The following SPIRE1 variants were observed in gnomAD, a reference collection of about 807,000 sequenced individuals.
The protein encoded by SPIRE1 is protein spire homolog 1.
A neutral mutation model predicts 94.1 loss-of-function variants in SPIRE1; 40 were observed. The observed-to-expected ratio is 0.43, with a 90% CI of 0.33 to 0.55. The LOEUF is 0.55. Ranked by LOEUF, SPIRE1 falls within the 20% of genes least tolerant of loss-of-function variation. The probability of loss-of-function intolerance (pLI) is 0.06; values close to 1 mark genes in which losing one functional copy is unlikely to be tolerated. For missense variants in SPIRE1, 838 were observed against 975.2 expected, an observed-to-expected ratio of 0.86 and a Z score of 1.87; for synonymous variants, 376 against 371.7, an observed-to-expected ratio of 1.01 and a Z score of -0.13.
At position 12,498,646 on chromosome 18, in the gene SPIRE1, C is replaced by A. The variant is rs190876460; in HGVS notation, c.973-2544G>T. 2.6e-5 allele frequency among the ~76,000 whole-genome samples: 4 copies of A among 152,006 alleles called. 1 individual carries two copies. Among genetic ancestry groups the A allele is most frequent in the Admixed American group, 6.5e-5 (1 of 15,276 alleles). On this transcript the variant is annotated intron_variant, in intron 6 of 16. Transcript: ENST00000409402. Reference sequence around the variant, plus strand: ...TTTCTGAAATAATTTTCTTTTTTTGCGACACGGGCTTGTTCTATGACCCAG... The same window carrying A: ...TTTCTGAAATAATTTTCTTTTTTTGAGACACGGGCTTGTTCTATGACCCAG...
Position 12,447,718 on chromosome 18 carries a change from G to A in SPIRE1, c.*1920C>T, listed in dbSNP as rs1447381383. On this transcript the variant is annotated 3_prime_UTR_variant, in exon 17 of 17. Coordinates refer to ENST00000409402, the MANE Select transcript of SPIRE1 (RefSeq NM_001128626.2). Reference sequence around the variant, plus strand: ...AAGACATGTACTAGATGTTTGCTTTGTGAATGTGAATGAAAGTCTTATTTT... The same window carrying A: ...AAGACATGTACTAGATGTTTGCTTTATGAATGTGAATGAAAGTCTTATTTT... 6.6e-6 allele frequency: 1 copy of A among 152,154 alleles called. No individual in the cohort carries two copies. The highest frequency in any genetic ancestry group is 2.4e-5 in the African/African-American group (1 of 41,438). 9.4% of individuals were successfully genotyped at this position (152,154 alleles called of 1,614,324 possible).
chr18:12,612,268 C>G (rs891623718), intron 2 of SPIRE1, among the ~76,000 whole-genome samples: 11 of 152,186 alleles, frequency 7.2e-5, no homozygotes, highest in African/African-American at 2.4e-4. Flanking sequence ...GGAGAAAACA[C>G]AGAAAACTAT....
Position 12,475,300 on chromosome 18 carries a change from C to T in SPIRE1, c.1404+4399G>A, listed in dbSNP as rs60191576. Among the ~76,000 whole-genome samples the T allele has an allele frequency of 6.6e-3, 1,001 of 152,298 alleles. 10 individuals carry two copies. The highest frequency in any genetic ancestry group is 0.022 in the African/African-American group (919 of 41,572). ...ACTGACTCACTGAACTGACCTCTGCCGTCTCTGGACTTCTGTAGTGTCCAG... is the reference window on the plus strand; with the variant it reads ...ACTGACTCACTGAACTGACCTCTGCTGTCTCTGGACTTCTGTAGTGTCCAG... On this transcript the variant is annotated intron_variant, in intron 10 of 16. Coordinates refer to ENST00000409402, the MANE Select transcript of SPIRE1 (RefSeq NM_001128626.2).
At chr18:12,508,750 C>T (rs1210867757) in intron 5 of SPIRE1, among the ~76,000 whole-genome samples, 1 of 151,626 alleles carries the variant, frequency 6.6e-6, no homozygotes, top group Non-Finnish European at 1.5e-5. Context: ...TCTTGGCTCA[C>T]TGCAATTTCT....
intron 2 of SPIRE1, among the ~76,000 whole-genome samples, chr18:12,629,870 G>A (rs541966766): frequency 9.9e-5 from 15 of 152,040 alleles, no homozygotes; most frequent in Middle Eastern, 3.2e-3. Context: ...TTTCCATTAA[G>A]GAGTTCAAAT....
intron 6 of SPIRE1, among the ~76,000 whole-genome samples, chr18:12,504,498 ACT>A (rs1240666687): frequency 1.3e-5 from 2 of 152,158 alleles, no homozygotes; most frequent in African/African-American, 2.4e-5. Flanking sequence ...AAAGAGTGAG[ACT>A]CTGTCTCAAA....
At chr18:12,460,312 G>A (rs1051701777) in intron 12 of SPIRE1, among the ~76,000 whole-genome samples, 5 of 152,196 alleles carry the variant, frequency 3.3e-5, no homozygotes, top group Non-Finnish European at 5.9e-5. Context: ...CTGCCAACAC[G>A]AGGTGCCTTT....
At chr18:12,540,146 CA>C (rs1311471739) in intron 3 of SPIRE1, among the ~76,000 whole-genome samples, 2 of 152,030 alleles carry the variant, frequency 1.3e-5, no homozygotes, top group Non-Finnish European at 2.9e-5. Flanking sequence ...ACTTAAAACC[CA>C]AACTCTTCAG....
At chr18:12,507,489 A>G (rs1292871901) in intron 5 of SPIRE1, among the ~76,000 whole-genome samples, 1 of 152,136 alleles carries the variant, frequency 6.6e-6, no homozygotes, top group Non-Finnish European at 1.5e-5. Flanking sequence ...ACCTGAGGTC[A>G]GGAGTTCGAG....
At chr18:12,644,854 T>TAACA (rs1339932222) in intron 1 of SPIRE1, among the ~76,000 whole-genome samples, 4 of 152,144 alleles carry the variant, frequency 2.6e-5, no homozygotes, top group African/African-American at 9.7e-5. Flanking sequence ...ACATACAAGG[T>TAACA]AACAAAATGC....
chr18:12,542,686 G>A (rs1197780395), intron 3 of SPIRE1, among the ~76,000 whole-genome samples: 1 of 152,088 alleles, frequency 6.6e-6, no homozygotes, highest in Admixed American at 6.6e-5. Flanking sequence ...TAATAAATTA[G>A]TGCTTTAACC....
chr18:12,639,964 C>T (rs534585153), intron 1 of SPIRE1, among the ~76,000 whole-genome samples: 136 of 151,954 alleles, frequency 9.0e-4, no homozygotes, highest in African/African-American at 3.2e-3. Context: ...AATGGCTTTA[C>T]GAAACAAACT....
chr18:12,482,884 T>A, intron 9 of SPIRE1, among the ~76,000 whole-genome samples: 1 of 151,470 alleles, frequency 6.6e-6, no homozygotes, highest in East Asian at 1.9e-4. Context: ...CAAGATGATC[T>A]AAACACTTGA....
intron 1 of SPIRE1, among the ~76,000 whole-genome samples, chr18:12,639,386 T>C (rs71351500): frequency 0.17 from 25,830 of 152,176 alleles, 2,524 homozygotes; most frequent in Middle Eastern, 0.24. Context: ...ACTTGTCAAG[T>C]GTAAATCCCT....
At chr18:12,450,085 AAGTAGGAGGCCT>A (rs2031155820) in intron 16 of SPIRE1, among the ~76,000 whole-genome samples, 189 bp from the exon 17 acceptor site, 4 of 152,160 alleles carry the variant, frequency 2.6e-5, no homozygotes, top group African/African-American at 9.7e-5. Flanking sequence ...TTAGAAAAGA[AAGTAGGAGGCCT>A]AGTGCGGTGG....
chr18:12,540,628 G>T (rs1160861643), intron 3 of SPIRE1, among the ~76,000 whole-genome samples: 1 of 152,012 alleles, frequency 6.6e-6, no homozygotes, highest in Non-Finnish European at 1.5e-5. Flanking sequence ...TGTCCACCTC[G>T]GCCTCTCAAA....
chr18:12,461,466 A>T (rs1231362344), intron 12 of SPIRE1, among the ~76,000 whole-genome samples: 2 of 150,304 alleles, frequency 1.3e-5, no homozygotes, highest in African/African-American at 5.0e-5. Context: ...ATGTATGTAC[A>T]TATGTACGTA....
chr18:12,618,533 C>T (rs1301420523), intron 2 of SPIRE1, among the ~76,000 whole-genome samples: 1 of 152,000 alleles, frequency 6.6e-6, no homozygotes, highest in Non-Finnish European at 1.5e-5. Flanking sequence ...CAGGGAAGTT[C>T]AACAGCTAAA....
At chr18:12,611,568 C>T (rs1479157091) in intron 2 of SPIRE1, among the ~76,000 whole-genome samples, 2 of 152,244 alleles carry the variant, frequency 1.3e-5, no homozygotes, top group Non-Finnish European at 2.9e-5. Flanking sequence ...TCACAAAACA[C>T]TGAGCCAGAA....
Sources: allele counts gnomAD v4.1 joint callset (sites outside exome capture counted in the v4.1 genomes callset), GRCh38; gene constraint gnomAD v4.1.1; transcripts MANE v1.5; gene names NCBI Gene and HGNC (gene_info 2026-07-23, HGNC 2026-07-21).